OVCH1: variants seen among roughly 807,000 people sequenced by gnomAD.
OVCH1 encodes the protein ovochymase-1.
In OVCH1, 139 loss-of-function variants were observed where a neutral mutation model predicts 138.4. The observed-to-expected ratio is 1.00, with a 90% CI of 0.87 to 1.16. The LOEUF is 1.16. Ranked by LOEUF, OVCH1 falls within the 50% of genes most tolerant of loss-of-function variation. The pLI, the probability that OVCH1 is intolerant of heterozygous loss-of-function variation, is 0.00. For missense variants in OVCH1, 1,367 were observed against 1,357.9 expected, an observed-to-expected ratio of 1.01 and a Z score of -0.11; for synonymous variants, 453 against 467.8, an observed-to-expected ratio of 0.97 and a Z score of 0.41.
chr12:29,492,673 C>G lies in OVCH1; in HGVS notation c.455-1481G>C, dbSNP rs552967168. ...TCTGACTCATTGGATGTACAGTGTC[C>G]AAGAGAAGAATCAAGGATGAATCCA... On this transcript the variant is annotated intron_variant, in intron 4 of 27. Transcript: ENST00000318184. Among the ~76,000 whole-genome samples the G allele has an allele frequency of 2.0e-5, 3 of 152,072 alleles. No individual in the cohort carries two copies. In the South Asian group the frequency reaches 6.2e-4, roughly 32 times the overall value.
rs745672184 is a variant in OVCH1 at position 29,455,396 on chromosome 12, CAG to C, written c.2288_2289del (p.Ser763TrpfsTer7). 33 of 1,603,482 alleles carry C rather than the reference CAG, an allele frequency of 2.1e-5. No individual in the cohort carries two copies. The highest frequency in any genetic ancestry group is 2.6e-5 in the Non-Finnish European group (31 of 1,176,302). On this transcript the variant is annotated frameshift_variant, in exon 20 of 28. Coordinates refer to ENST00000318184, the Ensembl canonical transcript of OVCH1. LOFTEE classifies it high-confidence loss of function. The stretch of plus-strand genomic sequence containing the variant: ...TCATGTCTACATACTAGTGGCCCAC[CAG>C]AGTCTCCCTGAAACACCAAGAAAAC...
intron 8 of OVCH1, among the ~76,000 whole-genome samples, chr12:29,484,048 T>G (rs1943018606): frequency 6.6e-6 from 1 of 152,322 alleles, no homozygotes. Context: ...AACTGTTATC[T>G]TTGTAGTACA....
At chr12:29,459,642 G>C (rs1565585339) in intron 19 of OVCH1, among the ~76,000 whole-genome samples, 1 of 151,896 alleles carries the variant, frequency 6.6e-6, no homozygotes, top group Non-Finnish European at 1.5e-5. Flanking sequence ...TGATTGGATT[G>C]TTTGTAACAC....
At position 29,451,335 on chromosome 12, in the gene OVCH1, G is replaced by A. The variant is rs1173849922; in HGVS notation, c.2755+10C>T. 1 of 1,605,808 alleles carries A rather than the reference G, an allele frequency of 6.2e-7. No individual in the cohort carries two copies. Among genetic ancestry groups the A allele is most frequent in the South Asian group, 1.1e-5 (1 of 90,500 alleles). On this transcript the variant is annotated intron_variant, in intron 22 of 27. Coordinates refer to ENST00000318184, the Ensembl canonical transcript of OVCH1. ...TCCTAGCACGAAGTTTATATGCCAG[G>A]AAGGATTACCTGCCGTCTTTCTCTT...
chr12:29,416,824 AAC>A (rs1219056963), intron 3 of OVCH1, among the ~76,000 whole-genome samples: 1 of 152,238 alleles, frequency 6.6e-6, no homozygotes. Context: ...CCAAAATGAA[AAC>A]ACATGTCCAC....
At chr12:29,440,724 T>C (rs1174265407) in intron 25 of OVCH1, 3 of 455,854 alleles carry the variant, frequency 6.6e-6, no homozygotes, top group Admixed American at 2.4e-5. Flanking sequence ...CCAAGAAAGC[T>C]CAGTGCTCAT....
At chr12:29,489,663 A>G (rs773732934) in exon 6 of OVCH1, 3 of 1,609,456 alleles carry the variant, frequency 1.9e-6, no homozygotes, top group South Asian at 1.1e-5. Context: ...AGCACACAGC[A>G]TGGTCCTTCC....
At chr12:29,435,701 T>C (rs1345528144) in intron 26 of OVCH1, among the ~76,000 whole-genome samples, 2 of 152,090 alleles carry the variant, frequency 1.3e-5, no homozygotes, top group Non-Finnish European at 2.9e-5. Flanking sequence ...TCCTTCAACC[T>C]CCCACTACCC....
chr12:29,462,627 T>C (rs919922064), intron 18 of OVCH1, among the ~76,000 whole-genome samples: 3 of 152,116 alleles, frequency 2.0e-5, no homozygotes, highest in Non-Finnish European at 4.4e-5. Context: ...AGTTTAATAT[T>C]TTATAGCCCT....
intron 4 of OVCH1, among the ~76,000 whole-genome samples, chr12:29,493,384 T>G (rs1179003822): frequency 6.6e-6 from 1 of 152,176 alleles, no homozygotes; most frequent in Non-Finnish European, 1.5e-5. Flanking sequence ...TATAATTATT[T>G]TTTGTATCAT....
At chr12:29,426,791 A>C (rs892947168), downstream of OVCH1, among the ~76,000 whole-genome samples, 3 of 152,338 alleles carry the variant, frequency 2.0e-5, no homozygotes, top group Admixed American at 1.3e-4. Context: ...TCTATTGTCT[A>C]AAACAGTGCA....
chr12:29,477,144 C>T (rs1377065067), exon 12 of OVCH1: 1 of 1,613,166 alleles, frequency 6.2e-7, no homozygotes, highest in Non-Finnish European at 8.5e-7. Context: ...ACCAATGACA[C>T]CTTGTGTTAC....
In OVCH1 at chr12:29,476,755, GCA is replaced by G. The variant is rs548409739; in HGVS notation, c.1377+345_1377+346del. Among the ~76,000 whole-genome samples, 883 of 103,398 alleles carry G rather than the reference GCA, an allele frequency of 8.5e-3. 35 individuals carry two copies. The highest frequency in any genetic ancestry group is 0.027 in the African/African-American group (693 of 26,100). The allele number at this position is 103,398 out of a possible 152,430, so 67.8% of individuals were successfully genotyped here. On this transcript the variant is annotated intron_variant, in intron 12 of 27. Transcript: ENST00000318184. ...CCAAGCAGCATAAGTACACACGCGC[GCA>G]CACACACACACACACACACACACAC...
At chr12:29,431,847 C>T (rs1027142242) in intron 27 of OVCH1, among the ~76,000 whole-genome samples, 1 of 151,730 alleles carries the variant, frequency 6.6e-6, no homozygotes, top group Admixed American at 6.5e-5. Context: ...GAGTCTCTTA[C>T]CTGAGTTAAC....
chr12:29,416,140 C>G (rs1436877669), intron 3 of OVCH1, among the ~76,000 whole-genome samples: 2 of 150,936 alleles, frequency 1.3e-5, no homozygotes, highest in African/African-American at 4.9e-5. Context: ...TCAACCTAAA[C>G]CTTACACATT....
At chr12:29,478,858 C>T (rs777307001) in exon 9 of OVCH1, 56 of 1,591,086 alleles carry the variant, frequency 3.5e-5, no homozygotes, top group Non-Finnish European at 3.4e-5. Context: ...ACTGCTTGAT[C>T]GTAAAGATAC....
At chr12:29,444,808 C>T (rs530051406) in intron 23 of OVCH1, among the ~76,000 whole-genome samples, 43 of 152,124 alleles carry the variant, frequency 2.8e-4, no homozygotes, top group Admixed American at 2.2e-3. Context: ...ACATTGTTTA[C>T]ATTTATAATA....
intron 8 of OVCH1, among the ~76,000 whole-genome samples, chr12:29,481,382 C>T (rs10843430): frequency 2.0e-5 from 3 of 151,780 alleles, no homozygotes; most frequent in African/African-American, 7.3e-5. Context: ...GATGCTAATA[C>T]TCATTGGGTT....
rs370252291 is a variant in OVCH1, at chr12:29,497,681, G to A, written c.6C>T (p.Gly2=). ...GCAACAAACCAGCACTGGCCAGCAG[G>A]CCCATAGCCTCCACGCACCGGCCTC... The change falls in exon 1 of 28, where the codon GGC becomes GGT. Residue 2 remains glycine, a synonymous_variant. Transcript: ENST00000318184. 1,627 of 1,613,922 alleles carry A rather than the reference G, an allele frequency of 1.0e-3. 2 individuals are homozygous for A. Among genetic ancestry groups the A allele is most frequent in the Admixed American group, 1.8e-3 (110 of 60,008 alleles).
Sources: allele counts gnomAD v4.1 joint callset (sites outside exome capture counted in the v4.1 genomes callset), GRCh38; gene constraint gnomAD v4.1.1; transcripts MANE v1.5; gene names NCBI Gene and HGNC (gene_info 2026-07-23, HGNC 2026-07-21).